LRMDA: variants seen among roughly 807,000 people sequenced by gnomAD.
LRMDA encodes leucine-rich melanocyte differentiation-associated protein.
Under a neutral mutation model 29.8 loss-of-function variants are expected in LRMDA, and 18 were observed. The observed-to-expected ratio is 0.60, with a 90% CI of 0.42 to 0.90. The LOEUF is 0.90. Among genes scored for constraint, LRMDA ranks in the 40% least tolerant of loss-of-function variants. The pLI, the probability that LRMDA is intolerant of heterozygous loss-of-function variation, is 0.00. For synonymous variants in LRMDA, 125 were observed against 109.4 expected (o/e 1.14, Z -0.89); for missense variants, 273 against 273.9 (o/e 1.00, Z 0.02).
intron 6 of LRMDA, among the ~76,000 whole-genome samples, chr10:76,332,673 T>A (rs1589140299): frequency 6.6e-6 from 1 of 152,210 alleles, no homozygotes; most frequent in African/African-American, 2.4e-5. Context: ...AGGTTCTAAA[T>A]GTGCTTATGT....
At chr10:76,319,535 T>A (rs10824397) in intron 5 of LRMDA, among the ~76,000 whole-genome samples, 39,397 of 152,004 alleles carry the variant, frequency 0.26, 6,530 homozygotes, top group East Asian at 0.45. Flanking sequence ...ATGTTTTTTT[T>A]TATGACCCAG....
intron 6 of LRMDA, among the ~76,000 whole-genome samples, chr10:76,507,684 T>C (rs542408109): frequency 6.6e-6 from 1 of 152,262 alleles, no homozygotes; most frequent in East Asian, 1.9e-4. Flanking sequence ...GGCTAAGAGA[T>C]AGGGGTCTAA....
intron 2 of LRMDA, among the ~76,000 whole-genome samples, chr10:75,493,510 G>A (rs1402304362): frequency 6.6e-6 from 1 of 152,208 alleles, no homozygotes; most frequent in Admixed American, 6.5e-5. Flanking sequence ...GGGCCACCAC[G>A]CTCTGAAGCT....
In LRMDA at chr10:75,975,556, G is replaced by T. The variant is rs568056529; in HGVS notation, c.132-60452G>T. Among the ~76,000 whole-genome samples the T allele has an allele frequency of 2.6e-5, 4 of 152,278 alleles. No homozygotes were observed. In the East Asian group the frequency reaches 5.8e-4, roughly 22 times the overall value. ...GAGTGCCAGGGACTGTGTCCTTCGAGGACAGATTGGGTACCCTGTTTTCTG... is the reference window on the plus strand; with the variant it reads ...GAGTGCCAGGGACTGTGTCCTTCGATGACAGATTGGGTACCCTGTTTTCTG... On this transcript the variant is annotated intron_variant, in intron 2 of 6. Coordinates refer to ENST00000611255, the MANE Select transcript of LRMDA (RefSeq NM_001305581.2).
intron 5 of LRMDA, among the ~76,000 whole-genome samples, chr10:76,166,768 T>C (rs943620259): frequency 1.3e-5 from 2 of 152,322 alleles, no homozygotes; most frequent in Middle Eastern, 6.8e-3. Context: ...TGAATAGTGC[T>C]GCAGTGAACA....
chr10:75,985,156 T>C (rs557062204), intron 2 of LRMDA, among the ~76,000 whole-genome samples: 1 of 152,242 alleles, frequency 6.6e-6, no homozygotes, highest in East Asian at 1.9e-4. Flanking sequence ...GGGAGAATTC[T>C]GAGAAACGAT....
intron 2 of LRMDA, among the ~76,000 whole-genome samples, chr10:75,803,745 G>A (rs1221091320): frequency 6.6e-6 from 1 of 152,156 alleles, no homozygotes; most frequent in South Asian, 2.1e-4. Flanking sequence ...ACATAATTTA[G>A]CATTGCTAAG....
intron 2 of LRMDA, among the ~76,000 whole-genome samples, chr10:75,540,993 A>G (rs191205224): frequency 7.9e-5 from 12 of 152,232 alleles, no homozygotes; most frequent in Non-Finnish European, 1.3e-4. Context: ...TTTAAAAAGG[A>G]AAAAAACAGT....
At chr10:75,929,222 A>G (rs985488432) in intron 2 of LRMDA, among the ~76,000 whole-genome samples, 2 of 152,120 alleles carry the variant, frequency 1.3e-5, no homozygotes, top group Non-Finnish European at 2.9e-5. Flanking sequence ...CCCATTATAA[A>G]CATGGATGGA....
chr10:75,492,017 C>T (rs749038955), intron 2 of LRMDA, among the ~76,000 whole-genome samples: 1 of 152,142 alleles, frequency 6.6e-6, no homozygotes, highest in Non-Finnish European at 1.5e-5. Flanking sequence ...GAACAGTGCC[C>T]TCAAGATAAA....
Position 76,499,924 on chromosome 10 carries a change from C to T in LRMDA, c.602-57285C>T, listed in dbSNP as rs941887222. ...CTCACTCTGTAACCTAGACTGAGGGCACTGGCATGATTGTAGCTTACTACA... is the reference window on the plus strand; with the variant it reads ...CTCACTCTGTAACCTAGACTGAGGGTACTGGCATGATTGTAGCTTACTACA... On this transcript the variant is annotated intron_variant, in intron 6 of 6. Transcript: ENST00000611255. 4.0e-5 allele frequency among the ~76,000 whole-genome samples: 3 copies of T among 75,248 alleles called. 1 individual carries two copies. The highest frequency in any genetic ancestry group is 9.7e-5 in the African/African-American group (3 of 30,958). The allele number at this position is 75,248 out of a possible 152,430, so 49.4% of individuals were successfully genotyped here.
intron 6 of LRMDA, among the ~76,000 whole-genome samples, chr10:76,479,806 A>G (rs1440432721): frequency 6.6e-6 from 1 of 151,912 alleles, no homozygotes; most frequent in Non-Finnish European, 1.5e-5. Flanking sequence ...TGAGACTGAT[A>G]ATATACCCTA....
At chr10:76,089,923 A>C (rs752449441) in intron 5 of LRMDA, among the ~76,000 whole-genome samples, 37 of 152,234 alleles carry the variant, frequency 2.4e-4, no homozygotes, top group Non-Finnish European at 1.9e-4. Flanking sequence ...TACAGAGTGT[A>C]ACGTGAGCCA....
intron 2 of LRMDA, among the ~76,000 whole-genome samples, chr10:75,772,878 G>GGCT (rs376083224): frequency 2.7e-4 from 34 of 123,874 alleles, no homozygotes; most frequent in Non-Finnish European, 8.4e-5. Flanking sequence ...ATGGGGGGGG[G>GGCT]CAGATTAATC....
intron 2 of LRMDA, among the ~76,000 whole-genome samples, chr10:75,573,103 C>A (rs1840457283): frequency 6.6e-6 from 1 of 152,202 alleles, no homozygotes; most frequent in South Asian, 2.1e-4. Context: ...CCCCAACAGA[C>A]TAATACAGAT....
At chr10:76,473,551 A>C (rs188057477) in intron 6 of LRMDA, among the ~76,000 whole-genome samples, 20 of 151,642 alleles carry the variant, frequency 1.3e-4, no homozygotes, top group African/African-American at 4.6e-4. Context: ...CTGGATGCAG[A>C]TTGGAAAGAA....
At chr10:75,904,843 C>T (rs1197373251) in intron 2 of LRMDA, among the ~76,000 whole-genome samples, 2 of 152,012 alleles carry the variant, frequency 1.3e-5, no homozygotes. Context: ...CTGTGTGGCT[C>T]GGGGAGTCTC....
chr10:76,504,200 G>A (rs1422525277), intron 6 of LRMDA, among the ~76,000 whole-genome samples: 1 of 151,892 alleles, frequency 6.6e-6, no homozygotes, highest in Non-Finnish European at 1.5e-5. Context: ...AGTGTGCACA[G>A]TATGATATCA....
At chr10:76,441,466 T>C (rs1842302078) in intron 6 of LRMDA, among the ~76,000 whole-genome samples, 1 of 152,200 alleles carries the variant, frequency 6.6e-6, no homozygotes, top group Non-Finnish European at 1.5e-5. Flanking sequence ...CCCATAGGAA[T>C]GTTGGGACTG....
Sources: allele counts gnomAD v4.1 joint callset (sites outside exome capture counted in the v4.1 genomes callset), GRCh38; gene constraint gnomAD v4.1.1; transcripts MANE v1.5; gene names NCBI Gene and HGNC (gene_info 2026-07-23, HGNC 2026-07-21).